SUSD1: variants seen among roughly 807,000 people sequenced by gnomAD.
SUSD1 encodes the protein sushi domain-containing protein 1.
In SUSD1, 65 loss-of-function variants were observed where a neutral mutation model predicts 86.9. The observed-to-expected ratio is 0.75, with a 90% confidence interval of 0.61 to 0.92. The LOEUF (loss-of-function observed/expected upper bound fraction) is 0.92, where lower values mean the gene tolerates loss of function less well. Ranked by LOEUF, SUSD1 falls within the 40% of genes least tolerant of loss-of-function variation. The pLI is 0.00. For missense variants in SUSD1, 850 were observed against 929.7 expected (o/e 0.91, Z 1.11); for synonymous variants, 346 against 350.0 (o/e 0.99, Z 0.13).
At chr9:112,131,685 TA>T (rs1832040521) in intron 5 of SUSD1, among the ~76,000 whole-genome samples, 1 of 152,134 alleles carries the variant, frequency 6.6e-6, no homozygotes, top group African/African-American at 2.4e-5. Context: ...CACAAGGAAA[TA>T]AACATTTAAA....
intron 7 of SUSD1, among the ~76,000 whole-genome samples, chr9:112,112,411 G>C (rs1831138116): frequency 6.6e-6 from 1 of 152,146 alleles, no homozygotes; most frequent in South Asian, 2.1e-4. Context: ...GAGGTAGGTG[G>C]ATTATCTGAG....
chr9:112,136,346 A>C (rs759268591), intron 5 of SUSD1, among the ~76,000 whole-genome samples: 5 of 152,046 alleles, frequency 3.3e-5, no homozygotes, highest in Non-Finnish European at 7.4e-5. Flanking sequence ...TGATCCTCCC[A>C]CCTCAGCATC....
intron 5 of SUSD1, among the ~76,000 whole-genome samples, chr9:112,132,782 A>G (rs1832086371): frequency 6.6e-6 from 1 of 152,212 alleles, no homozygotes; most frequent in Admixed American, 6.5e-5. Context: ...TTTAAACATT[A>G]ATCTTTGTGA....
At chr9:112,065,986 C>T (rs1263739587) in intron 12 of SUSD1, among the ~76,000 whole-genome samples, 3 of 152,030 alleles carry the variant, frequency 2.0e-5, no homozygotes, top group South Asian at 4.1e-4. Context: ...TCAACAAATA[C>T]TCACAGCAGC....
chr9:112,123,776 C>T (rs111315663), intron 6 of SUSD1, among the ~76,000 whole-genome samples: 48 of 151,974 alleles, frequency 3.2e-4, no homozygotes, highest in African/African-American at 1.1e-3. Context: ...CCAGTGCACT[C>T]CAGCCAGGGT....
At chr9:112,073,942 T>C (rs1309516295) in intron 12 of SUSD1, among the ~76,000 whole-genome samples, 1 of 151,656 alleles carries the variant, frequency 6.6e-6, no homozygotes, top group Non-Finnish European at 1.5e-5. Flanking sequence ...AGGAGGCCAG[T>C]GCAGTGGCTC....
intron 11 of SUSD1, 87 bp from the exon 12 acceptor site, chr9:112,078,811 CTTTTTTTTT>C (rs71496739): frequency 3.1e-6 from 2 of 641,450 alleles, no homozygotes; most frequent in African/African-American, 2.4e-5. Context: ...TTTTCTTTCT[CTTTTTTTTT>C]TTTTTTTTTT....
chr9:112,101,101 C>T (rs1052066455), intron 9 of SUSD1, among the ~76,000 whole-genome samples: 11 of 152,034 alleles, frequency 7.2e-5, no homozygotes, highest in African/African-American at 2.4e-4. Flanking sequence ...GTGGCTCACA[C>T]CTGTAATCCC....
intron 6 of SUSD1, among the ~76,000 whole-genome samples, chr9:112,118,108 G>T (rs559829446): frequency 1.3e-5 from 2 of 152,254 alleles, no homozygotes; most frequent in South Asian, 2.1e-4. Context: ...ACAGCAAAAG[G>T]TCATAGAGAA....
chr9:112,111,425 C>A (rs910786440), intron 8 of SUSD1, among the ~76,000 whole-genome samples: 2 of 152,278 alleles, frequency 1.3e-5, no homozygotes, highest in Non-Finnish European at 2.9e-5. Context: ...CTTTCCACCT[C>A]TCCCGGAGGG....
chr9:112,091,319 A>T (rs1350055485), intron 10 of SUSD1, among the ~76,000 whole-genome samples: 1 of 152,220 alleles, frequency 6.6e-6, no homozygotes, highest in African/African-American at 2.4e-5. Context: ...TTTGGACTTT[A>T]ATTCTGTGAA....
chr9:112,055,825 TA>T (rs1828422998), intron 14 of SUSD1, among the ~76,000 whole-genome samples: 1 of 152,128 alleles, frequency 6.6e-6, no homozygotes, highest in Non-Finnish European at 1.5e-5. Flanking sequence ...TATTCAGTCT[TA>T]AAAAGGAAGG....
chr9:112,138,508 G>T (rs1436722091), intron 5 of SUSD1, among the ~76,000 whole-genome samples: 1 of 149,788 alleles, frequency 6.7e-6, no homozygotes, highest in Non-Finnish European at 1.5e-5. Context: ...ACCCAGGTTG[G>T]AGTGCAGTGG....
At chr9:112,054,981 T>C (rs1270925315) in intron 14 of SUSD1, among the ~76,000 whole-genome samples, 1 of 152,154 alleles carries the variant, frequency 6.6e-6, no homozygotes, top group East Asian at 1.9e-4. Context: ...ACTCTTAAAA[T>C]TTAACAAAAA....
intron 2 of SUSD1, among the ~76,000 whole-genome samples, chr9:112,156,279 T>C (rs1425880127): frequency 2.0e-5 from 3 of 151,824 alleles, no homozygotes; most frequent in African/African-American, 7.3e-5. Flanking sequence ...CTGCCCAACA[T>C]GGTGAAACCC....
At chr9:112,100,946 T>G (rs1380120312) in intron 9 of SUSD1, among the ~76,000 whole-genome samples, 2 of 152,114 alleles carry the variant, frequency 1.3e-5, no homozygotes, top group Non-Finnish European at 2.9e-5. Context: ...ATTAATTTAC[T>G]TTTTGTCAAA....
intron 1 of SUSD1, among the ~76,000 whole-genome samples, chr9:112,162,579 A>G (rs1192461450): frequency 2.0e-5 from 3 of 152,382 alleles, no homozygotes; most frequent in Admixed American, 2.0e-4. Flanking sequence ...GTACAATAAT[A>G]GACATAAATA....
intron 6 of SUSD1, among the ~76,000 whole-genome samples, chr9:112,122,707 A>G (rs1831603732): frequency 6.6e-6 from 1 of 152,234 alleles, no homozygotes; most frequent in South Asian, 2.1e-4. Context: ...TATTCATCAT[A>G]GCCAAAAGAT....
intron 13 of SUSD1, among the ~76,000 whole-genome samples, chr9:112,061,768 A>T (rs985004910): frequency 2.0e-5 from 3 of 152,180 alleles, no homozygotes; most frequent in Non-Finnish European, 4.4e-5. Flanking sequence ...GGATATACAG[A>T]TAATATCGCC....
Sources: gnomAD v4.1 joint callset for allele counts (sites outside exome capture counted in the v4.1 genomes callset) on GRCh38, gnomAD v4.1.1 for gene constraint, MANE v1.5 for transcripts, NCBI Gene and HGNC (gene_info 2026-07-23, HGNC 2026-07-21) for gene names.